Variants in TRPV2 observed in about 807,000 individuals in gnomAD.
The protein encoded by TRPV2 is OTRPC2.
TRPV2 carries 58 observed loss-of-function variants against 91.0 expected under a neutral mutation model. That is an observed-to-expected ratio of 0.64 (90% confidence interval 0.52 to 0.79). TRPV2 has a LOEUF of 0.79. Ranked by LOEUF, TRPV2 falls within the 30% of genes least tolerant of loss-of-function variation. The pLI is 0.00. For synonymous variants in TRPV2, 417 were observed against 414.8 expected (o/e 1.01, Z -0.06); for missense variants, 807 against 969.6 (o/e 0.83, Z 2.23).
intron 2 of TRPV2, chr17:16,419,295 G>A (rs1399734985): frequency 8.5e-6 from 4 of 470,724 alleles, no homozygotes; most frequent in Middle Eastern, 3.3e-4. Flanking sequence ...CTAGATTCTA[G>A]ATTCTGACAA....
In TRPV2 at chr17:16,417,723, CAAG is replaced by C; in HGVS notation, c.60_62del (p.Glu20del). The stretch of plus-strand genomic sequence containing the variant: ...CAGGTTGGAGACATTAGATGGAGGC[CAAG>C]AAGATGGCTCTGAGGCGGACAGAGG... On this transcript the variant is annotated inframe_deletion, in exon 2 of 15. Coordinates refer to ENST00000338560, the MANE Select transcript of TRPV2 (RefSeq NM_016113.5). The C allele has an allele frequency of 6.2e-7, 1 of 1,614,216 alleles. No individual in the cohort carries two copies. The highest frequency in any genetic ancestry group is 8.5e-7 in the Non-Finnish European group (1 of 1,180,044).
chr17:16,417,581 C>CGG lies in TRPV2; in HGVS notation c.-87_-86insGG. 2.8e-6 allele frequency: 4 copies of CGG among 1,441,582 alleles called. No individual in the cohort carries two copies. Among genetic ancestry groups the CGG allele is most frequent in the Non-Finnish European group, 3.9e-6 (4 of 1,038,268 alleles). The allele number at this position is 1,441,582 out of a possible 1,614,324, so 89.3% of individuals were successfully genotyped here. A position where few individuals can be genotyped will look rare whatever the true frequency, so the allele number is the denominator to read the frequency against. On this transcript the variant is annotated 5_prime_UTR_variant, in exon 2 of 15. Coordinates refer to ENST00000338560, the MANE Select transcript of TRPV2 (RefSeq NM_016113.5). ...TTGCAGGCTCCAGTCAGGCCAACAC[C>CGG]GACGCGCAGCTGGGAGGAAGACAGG...
At position 16,428,555 on chromosome 17, in the gene TRPV2, C is replaced by T. The variant is rs565317090; in HGVS notation, c.1421+168C>T. The T allele has an allele frequency of 4.1e-5, 33 of 795,782 alleles. No individual in the cohort carries two copies. In the African/African-American group the frequency reaches 4.6e-4, roughly 11 times the overall value. The allele number at this position is 795,782 out of a possible 1,614,324, so 49.3% of individuals were successfully genotyped here. ...GTCTGGGCTGCCGTCCAGCCTGGGG[C>T]CCCTTGTGCTCCCATCACTGTAGAT... On this transcript the variant is annotated intron_variant, in intron 9 of 14. Transcript: ENST00000338560.
At chr17:16,432,392 CAGG>C (rs1052806316) in intron 12 of TRPV2, 92 bp downstream of exon 12, 3 of 1,183,250 alleles carry the variant, frequency 2.5e-6, no homozygotes, top group Non-Finnish European at 3.5e-6. Context: ...CTTCCCTAGC[CAGG>C]AGATGCCGGG....
Position 16,422,616 on chromosome 17 carries a change from A to T in TRPV2, c.352A>T (p.Thr118Ser). The change falls in exon 4 of 15, where the codon ACG (threonine) becomes TCG (serine). Residue 118 changes from threonine to serine, a missense_variant. Thr to Ser is a moderately conservative substitution (Grantham distance 58). Transcript: ENST00000338560. ...SEYTEGSTGK[T>S]CLMKAVLNLK... ...TCCCACAGAGGGCTCCACAGGTAAG[A>T]CGTGCCTGATGAAGGCTGTGCTGAA... 1 of 1,613,964 alleles carries T rather than the reference A, an allele frequency of 6.2e-7. No homozygotes were observed. The highest frequency in any genetic ancestry group is 8.5e-7 in the Non-Finnish European group (1 of 1,179,942).
At chr17:16,434,533 G>A (rs1253504333) in intron 13 of TRPV2, among the ~76,000 whole-genome samples, 1 of 151,940 alleles carries the variant, frequency 6.6e-6, no homozygotes, top group Non-Finnish European at 1.5e-5. Context: ...GGCAGCAGAT[G>A]AGCAGAGAGA....
At position 16,426,929 on chromosome 17, in the gene TRPV2, C is replaced by T; in HGVS notation, c.1251+52C>T. ...CATCTTGGGGGAGGCCTGCTTGAAACAACCCTGGGGGAAGATGGGGCAGTA... is the reference window on the plus strand; with the variant it reads ...CATCTTGGGGGAGGCCTGCTTGAAATAACCCTGGGGGAAGATGGGGCAGTA... On this transcript the variant is annotated intron_variant, in intron 7 of 14. Transcript: ENST00000338560. This position sits in a 1 kb window ranked among gnomAD's most constrained non-coding sequence, Gnocchi z 6.0. 6.3e-7 allele frequency: 1 copy of T among 1,583,440 alleles called. No individual in the cohort carries two copies. The highest frequency in any genetic ancestry group is 8.6e-7 in the Non-Finnish European group (1 of 1,166,162).
chr17:16,428,551 G>A, intron 9 of TRPV2, 164 bp downstream of exon 9: 1 of 819,980 alleles, frequency 1.2e-6, no homozygotes, highest in Non-Finnish European at 2.0e-6. Flanking sequence ...CGTCCAGCCT[G>A]GGGCCCCTTG....
Position 16,426,150 on chromosome 17 carries a change from C to T in TRPV2, c.976C>T (p.Arg326Ter). Reference protein sequence around the residue: ...REFSGLSHLSRKFTEWCYGPV... With the variant: ...REFSGLSHLS ...GTTTTCAGGACTGAGCCACCTTTCC[C>T]GAAAGTTCACCGAGTGGTGCTATGG... Residue 326 changes from arginine to a stop codon, truncating the protein, a stop_gained, in exon 6 of 15, where the codon CGA (arginine) becomes TGA (stop). Coordinates refer to ENST00000338560, the MANE Select transcript of TRPV2 (RefSeq NM_016113.5). LOFTEE classifies it high-confidence loss of function. This position sits in a 1 kb window ranked among gnomAD's most constrained non-coding sequence, Gnocchi z 6.0. 2.5e-6 allele frequency: 4 copies of T among 1,614,072 alleles called. No homozygotes were observed. The Middle Eastern group carries it at 4.9e-4, about 200-fold the overall frequency.
chr17:16,424,164 T>G (rs550261629), intron 5 of TRPV2, among the ~76,000 whole-genome samples: 3 of 149,560 alleles, frequency 2.0e-5, no homozygotes, highest in East Asian at 1.9e-4. Context: ...TAATTTTGTT[T>G]TTTTTTTTTT....
chr17:16,422,868 C>A lies in TRPV2; in HGVS notation c.604C>A (p.Gln202Lys). The change falls in exon 4 of 15, where the codon CAA becomes AAA. Residue 202 changes from glutamine (Q) to lysine (K), a missense_variant. By Grantham distance (53) the Gln-to-Lys change is moderately conservative (BLOSUM62 1). Coordinates refer to ENST00000338560, the MANE Select transcript of TRPV2 (RefSeq NM_016113.5). ...RACGRFFQKG[Q>K]GTCFYFGELP... ...CTGCGGCCGCTTCTTCCAGAAGGGC[C>A]AAGGGACTTGCTTTTATTTCGGTGA... is the stretch of plus-strand genomic sequence containing the variant. 1 of 1,566,300 alleles carries A rather than the reference C, an allele frequency of 6.4e-7. No individual in the cohort carries two copies. The highest frequency in any genetic ancestry group is 8.7e-7 in the Non-Finnish European group (1 of 1,153,730).
At chr17:16,421,026 C>T (rs2093354090) in intron 3 of TRPV2, among the ~76,000 whole-genome samples, 1 of 152,176 alleles carries the variant, frequency 6.6e-6, no homozygotes, top group South Asian at 2.1e-4. Context: ...TAGCACTTTC[C>T]ATTTCAGTAC....
At chr17:16,434,464 T>A (rs568697937) in intron 13 of TRPV2, among the ~76,000 whole-genome samples, 30 of 88,144 alleles carry the variant, frequency 3.4e-4, no homozygotes, top group African/African-American at 1.1e-3. Flanking sequence ...CGAGACTCCA[T>A]CTCAAAAAAA....
At chr17:16,431,502 T>C (rs2093412470) in intron 10 of TRPV2, among the ~76,000 whole-genome samples, 1 of 151,770 alleles carries the variant, frequency 6.6e-6, no homozygotes, top group South Asian at 2.1e-4. Context: ...TTTCACCATG[T>C]TGGCCAGGCT....
chr17:16,423,795 C>A (rs1324264511), intron 5 of TRPV2, 28 bp downstream of exon 5: 1 of 1,529,838 alleles, frequency 6.5e-7, no homozygotes, highest in Non-Finnish European at 8.8e-7. Context: ...TCCCACTTCC[C>A]CTCTCCAGGA....
chr17:16,423,743 G>A lies in TRPV2; in HGVS notation c.900G>A (p.Leu300=), dbSNP rs1312101391. Residue 300 remains leucine, a synonymous_variant, in exon 5 of 15, where the codon CTG becomes CTA. Transcript: ENST00000338560. ...RNLQDLTPLK[L]AAKEGKIEIF... is the part of the protein sequence containing the mutation. ...TGCAGGATCTCACGCCTCTGAAGCT[G>A]GCCGCCAAGGAGGGCAAGATCGAGG... 2 of 1,588,918 alleles carry A rather than the reference G, an allele frequency of 1.3e-6. No individual in the cohort carries two copies. The highest frequency in any genetic ancestry group is 2.2e-5 in the South Asian group (2 of 89,324).
intron 13 of TRPV2, 149 bp downstream of exon 13, chr17:16,433,847 G>GATCCA: frequency 8.4e-7 from 1 of 1,186,932 alleles, no homozygotes; most frequent in Non-Finnish European, 1.2e-6. Context: ...GAGCAGGTGA[G>GATCCA]GTCAGGGGTC....
chr17:16,426,894 TG>T lies in TRPV2; in HGVS notation c.1251+24del, dbSNP rs750480170. On this transcript the variant is annotated intron_variant, in intron 7 of 14. Coordinates refer to ENST00000338560, the MANE Select transcript of TRPV2 (RefSeq NM_016113.5). This position sits in a 1 kb window ranked among gnomAD's most constrained non-coding sequence, Gnocchi z 6.0. ...CTGAAGAAGGCAAGGGCGTGAGGTT[TG>T]GGGGGGCACATCTTGGGGGAGGCCT... 12 of 1,569,622 alleles carry T rather than the reference TG, an allele frequency of 7.6e-6. No homozygotes were observed. The highest frequency in any genetic ancestry group is 3.4e-4 in the Middle Eastern group (2 of 5,834).
chr17:16,423,360 A>G, intron 4 of TRPV2, 109 bp from the exon 5 acceptor site: 1 of 1,296,886 alleles, frequency 7.7e-7, no homozygotes, highest in East Asian at 2.4e-5. Context: ...TCAGTGGTAA[A>G]GAAGCCTGAC....
Sources: gnomAD v4.1 joint callset for allele counts (sites outside exome capture counted in the v4.1 genomes callset) on GRCh38, gnomAD v4.1.1 for gene constraint, Gnocchi (gnomAD v3.1) non-coding constraint, MANE v1.5 for transcripts, NCBI Gene and HGNC (gene_info 2026-07-23, HGNC 2026-07-21) for gene names.